The following RNF220 variants were observed in gnomAD, a reference collection of about 807,000 sequenced individuals.
RNF220 encodes the protein E3 ubiquitin-protein ligase RNF220.
A neutral mutation model predicts 67.1 loss-of-function variants in RNF220; 7 were observed. The observed-to-expected ratio is 0.10, with a 90% confidence interval of 0.06 to 0.20. RNF220 has a LOEUF of 0.20. Among genes scored for constraint, RNF220 ranks in the 10% least tolerant of loss-of-function variants. The pLI is 1.00. For missense variants in RNF220, 565 were observed against 740.3 expected, an observed-to-expected ratio of 0.76 and a Z score of 2.75; for synonymous variants, 270 against 283.2, an observed-to-expected ratio of 0.95 and a Z score of 0.47.
chr1:44,601,125 A>G (rs1184925393), intron 2 of RNF220, among the ~76,000 whole-genome samples: 1 of 152,218 alleles, frequency 6.6e-6, no homozygotes, highest in African/African-American at 2.4e-5. Flanking sequence ...TGCCTAGCAC[A>G]TGGAAGGCAC....
Position 44,481,323 on chromosome 1 carries a change from G to T in RNF220, c.625+68601G>T, listed in dbSNP as rs1193328167. ...ACCTGTAGTCCCAGCTACTTGGGAGGCTGAGGCAGGGGGAATCACTTGAGC... is the reference window on the plus strand; with the variant it reads ...ACCTGTAGTCCCAGCTACTTGGGAGTCTGAGGCAGGGGGAATCACTTGAGC... On this transcript the variant is annotated intron_variant, in intron 2 of 14. Coordinates refer to ENST00000361799, the MANE Select transcript of RNF220 (RefSeq NM_018150.4). Among the ~76,000 whole-genome samples, 5 of 152,246 alleles carry T rather than the reference G, an allele frequency of 3.3e-5. No homozygotes were observed. The East Asian group carries it at 9.6e-4, about 29-fold the overall frequency.
intron 2 of RNF220, among the ~76,000 whole-genome samples, chr1:44,479,761 C>T (rs189393594): frequency 2.6e-4 from 40 of 152,298 alleles, no homozygotes; most frequent in African/African-American, 9.1e-4. Context: ...TTCAACCCCA[C>T]AAATTCTGGG....
intron 2 of RNF220, among the ~76,000 whole-genome samples, chr1:44,602,456 T>C (rs2148401547): frequency 6.6e-6 from 1 of 151,888 alleles, no homozygotes; most frequent in East Asian, 1.9e-4. Context: ...AAAGGGAGTA[T>C]CTAGAGACTG....
intron 2 of RNF220, among the ~76,000 whole-genome samples, chr1:44,608,130 G>T (rs1667412782): frequency 6.6e-6 from 1 of 151,822 alleles, no homozygotes; most frequent in South Asian, 2.1e-4. Context: ...TAACTGTGTT[G>T]CCCAGGCTGG....
intron 2 of RNF220, among the ~76,000 whole-genome samples, chr1:44,578,120 T>A (rs983970024): frequency 7.4e-6 from 1 of 135,936 alleles, no homozygotes; most frequent in Admixed American, 7.0e-5. Context: ...CAACTGGGAT[T>A]TTCTTTCTTT....
rs576501620 is a variant in RNF220, at chr1:44,515,268, G to A, written c.626-98897G>A. Among the ~76,000 whole-genome samples, 4 of 152,284 alleles carry A rather than the reference G, an allele frequency of 2.6e-5. No individual in the cohort carries two copies. The South Asian group carries it at 8.3e-4, about 32-fold the overall frequency. ...ACTGGGGACGGGAGAAGGGTAGCAG[G>A]GTATAGAATCAAATGGAAATGGGGC... On this transcript the variant is annotated intron_variant, in intron 2 of 14. Transcript: ENST00000361799.
chr1:44,420,143 A>G (rs776322521), intron 2 of RNF220, among the ~76,000 whole-genome samples: 26 of 152,258 alleles, frequency 1.7e-4, no homozygotes, highest in Admixed American at 6.5e-4. Flanking sequence ...TTCTGGTTTA[A>G]GATGACCTAG....
chr1:44,469,889 A>G (rs1348082012), intron 2 of RNF220, among the ~76,000 whole-genome samples: 1 of 152,218 alleles, frequency 6.6e-6, no homozygotes, highest in Admixed American at 6.5e-5. Flanking sequence ...GTATGAAAGT[A>G]TAGTACGAGG....
intron 2 of RNF220, among the ~76,000 whole-genome samples, chr1:44,486,239 G>GT (rs1458202918): frequency 5.3e-5 from 8 of 151,788 alleles, no homozygotes; most frequent in African/African-American, 9.7e-5. Context: ...AAAGGGGGGG[G>GT]CCTTTGGGCG....
rs1286701812 is a variant in RNF220 at position 44,651,146 on chromosome 1, T to C, written c.*371T>C. 1.5e-5 allele frequency: 5 copies of C among 323,832 alleles called. No homozygotes were observed. Among genetic ancestry groups the C allele is most frequent in the Non-Finnish European group, 3.1e-5 (5 of 163,326 alleles). The allele number at this position is 323,832 out of a possible 1,614,324, so 20.1% of individuals were successfully genotyped here. On this transcript the variant is annotated 3_prime_UTR_variant, in exon 15 of 15. Coordinates refer to ENST00000361799, the MANE Select transcript of RNF220 (RefSeq NM_018150.4). ...AAACACCAGACTGAAGCACATGTAATATAGACCGTGTATGTTTACAATGTT... is the reference window on the plus strand; with the variant it reads ...AAACACCAGACTGAAGCACATGTAACATAGACCGTGTATGTTTACAATGTT...
At chr1:44,439,810 G>A (rs1181794386) in intron 2 of RNF220, among the ~76,000 whole-genome samples, 3 of 152,196 alleles carry the variant, frequency 2.0e-5, no homozygotes, top group Admixed American at 2.0e-4. Flanking sequence ...AAGGGAAGAT[G>A]AGAGGTACCA....
At chr1:44,643,784 T>C (rs876512) in intron 8 of RNF220, 35,641 of 152,360 alleles carry the variant, frequency 0.23, 5,322 homozygotes, top group Middle Eastern at 0.33. Context: ...TGAGACCCAC[T>C]AGGAGGAAGT....
chr1:44,452,976 T>A (rs1329523430), intron 2 of RNF220, among the ~76,000 whole-genome samples: 1 of 152,228 alleles, frequency 6.6e-6, no homozygotes, highest in Admixed American at 6.5e-5. Context: ...ATGTGTTCCT[T>A]ATTTATTTTT....
chr1:44,486,232 G>T (rs1167969805), intron 2 of RNF220, among the ~76,000 whole-genome samples: 1 of 151,940 alleles, frequency 6.6e-6, no homozygotes, highest in East Asian at 1.9e-4. Flanking sequence ...CAAAGTGAAA[G>T]GGGGGGGCCT....
chr1:44,628,448 A>G (rs1309604355), intron 5 of RNF220, among the ~76,000 whole-genome samples: 1 of 152,200 alleles, frequency 6.6e-6, no homozygotes, highest in Admixed American at 6.5e-5. Flanking sequence ...AGGTTAGGAA[A>G]GCTCTAGATC....
chr1:44,524,160 C>G (rs1336639189), intron 2 of RNF220, among the ~76,000 whole-genome samples: 1 of 152,080 alleles, frequency 6.6e-6, no homozygotes, highest in African/African-American at 2.4e-5. Flanking sequence ...CTCCTCTCAG[C>G]AAGGGCTCGT....
At chr1:44,473,145 C>T (rs1233151319) in intron 2 of RNF220, among the ~76,000 whole-genome samples, 2 of 152,144 alleles carry the variant, frequency 1.3e-5, no homozygotes, top group East Asian at 3.8e-4. Context: ...AGGCCCCTTC[C>T]TTCTCCCGTC....
In RNF220 at chr1:44,575,520, A is replaced by T. The variant is rs372170767; in HGVS notation, c.626-38645A>T. ...GAACAGACATTTCTCAAAATAAGACATACAAATGGCCAACAGGTACATGAA... is the reference window on the plus strand; with the variant it reads ...GAACAGACATTTCTCAAAATAAGACTTACAAATGGCCAACAGGTACATGAA... On this transcript the variant is annotated intron_variant, in intron 2 of 14. Transcript: ENST00000361799. Among the ~76,000 whole-genome samples, 61 of 152,190 alleles carry T rather than the reference A, an allele frequency of 4.0e-4. 1 individual carries two copies. Among genetic ancestry groups the T allele is most frequent in the Middle Eastern group, 3.4e-3 (1 of 294 alleles).
intron 2 of RNF220, among the ~76,000 whole-genome samples, chr1:44,580,817 G>A (rs1665220473): frequency 6.6e-6 from 1 of 152,252 alleles, no homozygotes; most frequent in African/African-American, 2.4e-5. Flanking sequence ...TGCTGGTTGT[G>A]TGTCCCTCCT....
Sources: allele counts gnomAD v4.1 joint callset (sites outside exome capture counted in the v4.1 genomes callset), GRCh38; gene constraint gnomAD v4.1.1; transcripts MANE v1.5; gene names NCBI Gene and HGNC (gene_info 2026-07-23, HGNC 2026-07-21).